Variants in RDX observed in about 807,000 individuals in gnomAD.
RDX encodes the protein deafness, autosomal recessive 24.
Under a neutral mutation model 83.7 loss-of-function variants are expected in RDX, and 32 were observed. The ratio of observed to expected loss-of-function variants is 0.38; its 90% CI spans 0.29 to 0.51. RDX has a LOEUF of 0.51. RDX is among the 20% of genes least tolerant of loss of function. RDX has a pLI of 0.87. For missense variants in RDX, 600 were observed against 689.9 expected (o/e 0.87, Z 1.46); for synonymous variants, 229 against 222.7 (o/e 1.03, Z -0.25).
At chr11:110,280,483 A>G (rs1285786633) in intron 1 of RDX, among the ~76,000 whole-genome samples, 1 of 152,220 alleles carries the variant, frequency 6.6e-6, no homozygotes, top group Non-Finnish European at 1.5e-5. Flanking sequence ...TCCTGGCCTC[A>G]AGCAATCCTC....
In RDX at chr11:110,216,548, T is replaced by TC. The variant is rs555335268; in HGVS notation, c.1748+15324_1748+15325insG. Among the ~76,000 whole-genome samples, 7 of 150,756 alleles carry TC rather than the reference T, an allele frequency of 4.6e-5. No individual in the cohort carries two copies. The East Asian group carries it at 9.8e-4, about 21-fold the overall frequency. On this transcript the variant is annotated intron_variant, in intron 14 of 15. Coordinates refer to the RDX transcript ENST00000528498. Reference sequence around the variant, plus strand: ...ACCACACCAATTTTTTTTCTTTTTTTTTTTTTTTAAATAGAGAGGAGGTCT... The same window carrying TC: ...ACCACACCAATTTTTTTTCTTTTTTTCTTTTTTTTAAATAGAGAGGAGGTCT...
rs1330637231 is a variant in RDX, at chr11:110,238,416, T to C, written c.1091-764A>G. ...AACAGTACTAACTTTAAATATTATTTTGACAATTATTTAAGCCCTGTGACA... is the reference window on the plus strand; with the variant it reads ...AACAGTACTAACTTTAAATATTATTCTGACAATTATTTAAGCCCTGTGACA... On this transcript the variant is annotated intron_variant, in intron 10 of 13. Transcript: ENST00000645495. Among the ~76,000 whole-genome samples, 4 of 152,316 alleles carry C rather than the reference T, an allele frequency of 2.6e-5. No individual in the cohort carries two copies. The East Asian group carries it at 5.8e-4, about 22-fold the overall frequency.
chr11:110,249,620 G>A (rs1053007777), intron 9 of RDX, among the ~76,000 whole-genome samples: 1 of 152,136 alleles, frequency 6.6e-6, no homozygotes, highest in Admixed American at 6.5e-5. Context: ...GGGCATGGTG[G>A]CTCACCACAT....
At chr11:110,244,293 C>T (rs557335739) in intron 10 of RDX, among the ~76,000 whole-genome samples, 240 of 126,898 alleles carry the variant, frequency 1.9e-3, no homozygotes, top group African/African-American at 6.8e-3. Flanking sequence ...ACCTGGGAGG[C>T]GAAGGTTGCA....
intron 2 of RDX, among the ~76,000 whole-genome samples, chr11:110,278,072 T>C (rs1860589672): frequency 6.6e-6 from 1 of 152,200 alleles, no homozygotes; most frequent in African/African-American, 2.4e-5. Flanking sequence ...GTAAATTGTG[T>C]GACACCCTTG....
At chr11:110,222,604 G>A (rs564503361) in intron 14 of RDX, among the ~76,000 whole-genome samples, 14 of 152,226 alleles carry the variant, frequency 9.2e-5, no homozygotes, top group Admixed American at 2.6e-4. Context: ...AGACCATCCC[G>A]GCTAACACGG....
chr11:110,187,218 C>G (rs538274967), intron 15 of RDX, among the ~76,000 whole-genome samples: 3 of 152,228 alleles, frequency 2.0e-5, no homozygotes, highest in Non-Finnish European at 4.4e-5. Context: ...CCTGAACTAA[C>G]AGCCTGAACT....
At position 110,254,669 on chromosome 11, in the gene RDX, T is replaced by G. The variant is rs538628680; in HGVS notation, c.796-560A>C. The stretch of plus-strand genomic sequence containing the variant: ...ATTTGTATTTTCAGTAGAGATGAAG[T>G]TTCACCACGTTGGCCAGGCTGGTCT... On this transcript the variant is annotated intron_variant, in intron 8 of 13. Transcript: ENST00000645495. Among the ~76,000 whole-genome samples, 8 of 152,166 alleles carry G rather than the reference T, an allele frequency of 5.3e-5. 1 individual carries two copies. The South Asian group carries it at 1.7e-3, about 32-fold the overall frequency.
intron 12 of RDX, among the ~76,000 whole-genome samples, chr11:110,234,153 T>C (rs770396191): frequency 2.6e-5 from 4 of 152,216 alleles, no homozygotes; most frequent in African/African-American, 4.8e-5. Context: ...TGATGCACTG[T>C]AGTCAAAACA....
chr11:110,176,479 A>G lies in RDX; in HGVS notation c.*32-1245T>C, dbSNP rs145679071. ...TCATCCAAAAGGGTAAGCATTCTCAACTCTGCCTCCTGCTCCCCCCAGCCA... is the reference window on the plus strand; with the variant it reads ...TCATCCAAAAGGGTAAGCATTCTCAGCTCTGCCTCCTGCTCCCCCCAGCCA... On this transcript the variant is annotated intron_variant, in intron 15 of 15. Coordinates refer to the RDX transcript ENST00000528498. 3.1e-4 allele frequency among the ~76,000 whole-genome samples: 47 copies of G among 151,840 alleles called. 1 individual carries two copies. The South Asian group carries it at 5.0e-3, about 16-fold the overall frequency.
At chr11:110,266,472 G>A (rs1314960401) in intron 3 of RDX, among the ~76,000 whole-genome samples, 1 of 152,082 alleles carries the variant, frequency 6.6e-6, no homozygotes, top group Non-Finnish European at 1.5e-5. Context: ...ATGATCCAGG[G>A]GAGGTAAAAG....
intron 15 of RDX, among the ~76,000 whole-genome samples, chr11:110,198,284 C>CAAAA (rs34264175): frequency 7.1e-6 from 1 of 141,018 alleles, no homozygotes; most frequent in Admixed American, 7.1e-5. Context: ...TAGTCTCTGC[C>CAAAA]AAAAAAAAAA....
intron 14 of RDX, among the ~76,000 whole-genome samples, chr11:110,212,669 A>G (rs201606403): frequency 0.16 from 10,027 of 63,748 alleles, 403 homozygotes; most frequent in East Asian, 0.3. Flanking sequence ...TGGGATGCAA[A>G]GCTGGTTCAA....
At chr11:110,243,794 G>T (rs1260373183) in intron 10 of RDX, among the ~76,000 whole-genome samples, 1 of 151,806 alleles carries the variant, frequency 6.6e-6, no homozygotes, top group Non-Finnish European at 1.5e-5. Context: ...AGGTATTAGA[G>T]ATATGCAATA....
intron 14 of RDX, among the ~76,000 whole-genome samples, chr11:110,207,643 G>C (rs191365595): frequency 7.9e-5 from 12 of 152,000 alleles, no homozygotes; most frequent in Middle Eastern, 3.4e-3. Flanking sequence ...CAAATCAGAG[G>C]AAGAATATTT....
At chr11:110,268,488 G>A (rs931313908) in intron 3 of RDX, among the ~76,000 whole-genome samples, 11 of 152,154 alleles carry the variant, frequency 7.2e-5, no homozygotes, top group Admixed American at 4.6e-4. Flanking sequence ...CAGTGCCATA[G>A]AAAACATTCA....
chr11:110,266,169 A>C (rs1209371139), intron 3 of RDX, among the ~76,000 whole-genome samples: 4 of 137,996 alleles, frequency 2.9e-5, no homozygotes, highest in Non-Finnish European at 6.2e-5. Flanking sequence ...CTAAAAATAC[A>C]AAAAAAAAAA....
chr11:110,271,768 C>A (rs2134402236), intron 3 of RDX, among the ~76,000 whole-genome samples: 1 of 152,192 alleles, frequency 6.6e-6, no homozygotes, highest in South Asian at 2.1e-4. Context: ...CATATCCCAA[C>A]CTTTGCCTCA....
At chr11:110,263,841 A>G in intron 5 of RDX, 119 bp downstream of exon 5, 1 of 865,804 alleles carries the variant, frequency 1.2e-6, no homozygotes, top group Non-Finnish European at 1.8e-6. Context: ...GCACTCCAGC[A>G]TGGGTGACAG....
Sources: gnomAD v4.1 joint callset for allele counts (sites outside exome capture counted in the v4.1 genomes callset) on GRCh38, gnomAD v4.1.1 for gene constraint, MANE v1.5 for transcripts, NCBI Gene and HGNC (gene_info 2026-07-23, HGNC 2026-07-21) for gene names.